The following BTC variants were observed in gnomAD, a reference collection of about 807,000 sequenced individuals.
The protein encoded by BTC is probetacellulin.
A neutral mutation model predicts 18.1 loss-of-function variants in BTC; 13 were observed. The observed-to-expected ratio is 0.72, with a 90% CI of 0.47 to 1.14. BTC has a LOEUF of 1.14. BTC is among the 50% of genes most tolerant of loss of function. The probability of loss-of-function intolerance (pLI) is 0.00; values close to 1 mark genes in which losing one functional copy is unlikely to be tolerated. For synonymous variants in BTC, 83 were observed against 79.4 expected (o/e 1.05, Z -0.24); for missense variants, 247 against 224.2 (o/e 1.10, Z -0.65).
At chr4:74,787,348 C>A (rs1725506286) in intron 1 of BTC, among the ~76,000 whole-genome samples, 1 of 152,124 alleles carries the variant, frequency 6.6e-6, no homozygotes, top group African/African-American at 2.4e-5. Flanking sequence ...GAAAGCATTT[C>A]ATGGTTATTT....
At chr4:74,755,790 G>T in intron 3 of BTC, 69 bp downstream of exon 3, 2 of 1,425,356 alleles carry the variant, frequency 1.4e-6, no homozygotes, top group Non-Finnish European at 2.0e-6. Flanking sequence ...ACACTTTCCA[G>T]TCCTGGCAAG....
At chr4:74,786,311 G>A (rs1725477006) in intron 1 of BTC, among the ~76,000 whole-genome samples, 1 of 152,156 alleles carries the variant, frequency 6.6e-6, no homozygotes, top group Admixed American at 6.5e-5. Flanking sequence ...ATTCTAGGAT[G>A]GCCTGGACCA....
intron 2 of BTC, among the ~76,000 whole-genome samples, chr4:74,756,286 A>G (rs751278320): frequency 2.0e-4 from 30 of 152,306 alleles, no homozygotes; most frequent in Non-Finnish European, 3.8e-4. Flanking sequence ...CTTTCATTCC[A>G]TGAAAGTTAT....
rs955561811 is a variant in BTC at position 74,745,031 on chromosome 4, T to A, written c.*1646A>T. The stretch of plus-strand genomic sequence containing the variant: ...AGCATTGTTTTGTGTTTTTAAAAGC[T>A]CTAATGGATATTTATTCCAAGCTCC... On this transcript the variant is annotated 3_prime_UTR_variant, in exon 6 of 6. Transcript: ENST00000395743. 30 of 152,252 alleles carry A rather than the reference T, an allele frequency of 2.0e-4. No homozygotes were observed. Among genetic ancestry groups the A allele is most frequent in the African/African-American group, 7.2e-4 (30 of 41,550 alleles). 9.4% of individuals were successfully genotyped at this position (152,252 alleles called of 1,614,324 possible).
chr4:74,762,360 T>C (rs1724783503), intron 2 of BTC, among the ~76,000 whole-genome samples: 1 of 152,152 alleles, frequency 6.6e-6, no homozygotes, highest in African/African-American at 2.4e-5. Context: ...ACTTTACCTC[T>C]CTGTGCTTCA....
At position 74,772,608 on chromosome 4, in the gene BTC, C is replaced by T. The variant is rs568092552; in HGVS notation, c.65-2452G>A. Among the ~76,000 whole-genome samples the T allele has an allele frequency of 8.0e-5, 12 of 150,578 alleles. No homozygotes were observed. In the South Asian group the frequency reaches 1.5e-3, roughly 19 times the overall value. The stretch of plus-strand genomic sequence containing the variant: ...TAAAATCCCATCCATGGGCTTTCTT[C>T]ATGGGCAGTAATAGGAGACCTTAAT... On this transcript the variant is annotated intron_variant, in intron 1 of 5. Coordinates refer to ENST00000395743, the MANE Select transcript of BTC (RefSeq NM_001729.4).
At chr4:74,770,196 T>C in intron 1 of BTC, 40 bp from the exon 2 acceptor site, 4 of 1,519,678 alleles carry the variant, frequency 2.6e-6, no homozygotes, top group Non-Finnish European at 3.6e-6. Context: ...ACATGAAAAT[T>C]TGCTTATTGT....
chr4:74,788,407 T>A (rs1332441396), intron 1 of BTC, among the ~76,000 whole-genome samples: 1 of 152,224 alleles, frequency 6.6e-6, no homozygotes, highest in Non-Finnish European at 1.5e-5. Context: ...TAATAAATTA[T>A]CCTTTTCTGA....
intron 1 of BTC, among the ~76,000 whole-genome samples, chr4:74,782,142 G>T (rs1005402245): frequency 6.6e-6 from 1 of 151,898 alleles, no homozygotes; most frequent in African/African-American, 2.4e-5. Flanking sequence ...GGGTACATGT[G>T]CAGGATATGC....
At chr4:74,780,250 C>A (rs2109911757) in intron 1 of BTC, among the ~76,000 whole-genome samples, 1 of 152,276 alleles carries the variant, frequency 6.6e-6, no homozygotes, top group East Asian at 1.9e-4. Context: ...GACTGCCCAC[C>A]ACATCCTGAA....
At chr4:74,763,796 T>G (rs1024233126) in intron 2 of BTC, among the ~76,000 whole-genome samples, 1 of 152,088 alleles carries the variant, frequency 6.6e-6, no homozygotes, top group Non-Finnish European at 1.5e-5. Context: ...CACTGTAGGG[T>G]AACTATAATT....
At chr4:74,749,211 A>G (rs1249272244) in intron 4 of BTC, among the ~76,000 whole-genome samples, 6 of 152,038 alleles carry the variant, frequency 3.9e-5, no homozygotes, top group African/African-American at 7.2e-5. Flanking sequence ...AGGTGGATCA[A>G]CTTGAGGTCA....
intron 1 of BTC, among the ~76,000 whole-genome samples, chr4:74,775,918 C>A (rs1206440807): frequency 2.0e-5 from 3 of 152,168 alleles, no homozygotes; most frequent in Non-Finnish European, 4.4e-5. Context: ...CCCTCATAAG[C>A]CTTGTCGTCC....
intron 2 of BTC, 105 bp from the exon 3 acceptor site, chr4:74,756,081 G>T: frequency 1.9e-6 from 2 of 1,063,762 alleles, no homozygotes; most frequent in Non-Finnish European, 2.9e-6. Context: ...GAATATGTTT[G>T]AATCTCTCAT....
chr4:74,755,825 C>T (rs1553956603), intron 3 of BTC, 34 bp downstream of exon 3: 10 of 1,596,034 alleles, frequency 6.3e-6, no homozygotes, highest in South Asian at 5.5e-5. Context: ...CATTCTGCAC[C>T]CTTTTGCTTG....
At chr4:74,762,086 A>G (rs73825039) in intron 2 of BTC, among the ~76,000 whole-genome samples, 4,719 of 152,290 alleles carry the variant, frequency 0.031, 221 homozygotes, top group African/African-American at 0.11. Flanking sequence ...CAAGTTAGAA[A>G]ATGATACAGT....
In BTC at chr4:74,761,184, A is replaced by G. The variant is rs1017698439; in HGVS notation, c.164-5208T>C. On this transcript the variant is annotated intron_variant, in intron 2 of 5. Coordinates refer to ENST00000395743, the MANE Select transcript of BTC (RefSeq NM_001729.4). ...GCATGGGTATCTTTGCATATGTTTA[A>G]AAATATTCATGGCTGGAGGCAAATG... is the stretch of plus-strand genomic sequence containing the variant. 1.4e-4 allele frequency among the ~76,000 whole-genome samples: 21 copies of G among 152,134 alleles called. 1 individual carries two copies. The highest frequency in any genetic ancestry group is 5.1e-4 in the African/African-American group (21 of 41,448).
intron 1 of BTC, among the ~76,000 whole-genome samples, chr4:74,788,999 G>A (rs1218401709): frequency 6.6e-6 from 1 of 152,214 alleles, no homozygotes; most frequent in Non-Finnish European, 1.5e-5. Context: ...GAGTGTGTAT[G>A]TGAGGAAACA....
At chr4:74,790,013 T>C (rs1178798949) in intron 1 of BTC, among the ~76,000 whole-genome samples, 1 of 144,340 alleles carries the variant, frequency 6.9e-6, no homozygotes, top group Non-Finnish European at 1.5e-5. Context: ...TGCATTTTAC[T>C]TTTGCAGCTT....
Sources: allele counts gnomAD v4.1 joint callset (sites outside exome capture counted in the v4.1 genomes callset), GRCh38; gene constraint gnomAD v4.1.1; transcripts MANE v1.5; gene names NCBI Gene and HGNC (gene_info 2026-07-23, HGNC 2026-07-21).